The following FAR1 variants were observed in gnomAD, a reference collection of about 807,000 sequenced individuals.
The protein encoded by FAR1 is male sterility domain-containing protein 2.
In FAR1, 22 loss-of-function variants were observed where a neutral mutation model predicts 61.1. The ratio of observed to expected loss-of-function variants is 0.36; its 90% CI spans 0.26 to 0.51. FAR1 has a LOEUF of 0.51. Ranked by LOEUF, FAR1 falls within the 20% of genes least tolerant of loss-of-function variation. FAR1 has a pLI of 0.95. For synonymous variants in FAR1, 206 were observed against 209.7 expected (o/e 0.98, Z 0.15); for missense variants, 359 against 626.9 (o/e 0.57, Z 4.56).
chr11:13,682,623 T>A (rs1315364985), intron 1 of FAR1, among the ~76,000 whole-genome samples: 1 of 152,214 alleles, frequency 6.6e-6, no homozygotes, highest in Non-Finnish European at 1.5e-5. Flanking sequence ...AGTTTTTTAC[T>A]TTTGAGGCAG....
At chr11:13,687,294 A>G (rs1475731069) in intron 1 of FAR1, among the ~76,000 whole-genome samples, 1 of 152,224 alleles carries the variant, frequency 6.6e-6, no homozygotes, top group Non-Finnish European at 1.5e-5. Flanking sequence ...TACGACTGCT[A>G]GGTGCTATTT....
intron 1 of FAR1, among the ~76,000 whole-genome samples, chr11:13,692,977 G>T (rs1222022204): frequency 6.6e-6 from 1 of 152,114 alleles, no homozygotes; most frequent in African/African-American, 2.4e-5. Context: ...TAATGGAATA[G>T]GGTGGTTGGT....
chr11:13,681,427 C>T (rs763009375), intron 1 of FAR1, among the ~76,000 whole-genome samples: 6 of 152,072 alleles, frequency 3.9e-5, no homozygotes, highest in Non-Finnish European at 7.4e-5. Context: ...TTGTACAGAC[C>T]CTAACTGTTC....
rs1223320759 is a variant in FAR1 at position 13,730,531 on chromosome 11, A to G, written c.*1757A>G. The G allele has an allele frequency of 6.6e-6, 1 of 152,152 alleles. No homozygotes were observed. The highest frequency in any genetic ancestry group is 1.5e-5 in the Non-Finnish European group (1 of 67,976). The allele number at this position is 152,152 out of a possible 1,614,324, so 9.4% of individuals were successfully genotyped here. A position where few individuals can be genotyped will look rare whatever the true frequency, so the allele number is the denominator to read the frequency against. On this transcript the variant is annotated 3_prime_UTR_variant, in exon 12 of 12. Coordinates refer to ENST00000354817, the MANE Select transcript of FAR1 (RefSeq NM_032228.6). ...AATGGAATAGATAATGATGCCTTTT[A>G]TTTAAAGTGGCCCACATAATATACA...
At chr11:13,712,500 AC>A (rs1158911249) in intron 7 of FAR1, among the ~76,000 whole-genome samples, 3 of 151,984 alleles carry the variant, frequency 2.0e-5, no homozygotes, top group African/African-American at 4.8e-5. Context: ...CTTCCCAATA[AC>A]TTTTTTTTTC....
At position 13,732,061 on chromosome 11, in the gene FAR1, A is replaced by C. The variant is rs764130856; in HGVS notation, c.*3287A>C. 1.3e-5 allele frequency: 2 copies of C among 152,134 alleles called. No homozygotes were observed. Among genetic ancestry groups the C allele is most frequent in the Non-Finnish European group, 2.9e-5 (2 of 68,018 alleles). 9.4% of individuals were successfully genotyped at this position (152,134 alleles called of 1,614,324 possible). ...AAAACTTTCCAAACTTTTGCATGAG[A>C]AACTAGAAAAAGGAATGTATGCCAC... On this transcript the variant is annotated 3_prime_UTR_variant, in exon 12 of 12. Coordinates refer to ENST00000354817, the MANE Select transcript of FAR1 (RefSeq NM_032228.6).
chr11:13,690,582 A>G (rs1009736418), intron 1 of FAR1, among the ~76,000 whole-genome samples: 1 of 152,162 alleles, frequency 6.6e-6, no homozygotes, highest in Non-Finnish European at 1.5e-5. Context: ...TTTTTTCTAT[A>G]TGGATAATTG....
intron 1 of FAR1, among the ~76,000 whole-genome samples, chr11:13,675,439 G>T (rs77007032): frequency 6.7e-5 from 5 of 74,882 alleles, no homozygotes; most frequent in African/African-American, 2.3e-4. Flanking sequence ...TAATTTTGGC[G>T]CTATAGAATA....
In FAR1 at chr11:13,700,475, G is replaced by T. The variant is rs1388815443; in HGVS notation, c.348G>T (p.Arg116Ser). The change falls in exon 3 of 12, where the codon AGG becomes AGT. Residue 116 changes from arginine to serine, a missense_variant. Arg to Ser is a moderately radical substitution (Grantham distance 110). Coordinates refer to ENST00000354817, the MANE Select transcript of FAR1 (RefSeq NM_032228.6). The part of the protein sequence containing the change: ...NIIFHCAATV[R>S]FNENLRDAVQ... ...TATTCCACTGTGCAGCTACAGTAAG[G>T]TTTAATGAAAATTTAAGGTAAGTAC... 6.7e-7 allele frequency: 1 copy of T among 1,492,590 alleles called. No individual in the cohort carries two copies. The highest frequency in any genetic ancestry group is 8.9e-7 in the Non-Finnish European group (1 of 1,124,376). The allele number at this position is 1,492,590 out of a possible 1,614,324, so 92.5% of individuals were successfully genotyped here.
intron 10 of FAR1, among the ~76,000 whole-genome samples, chr11:13,724,809 C>A (rs977304795): frequency 3.3e-5 from 5 of 152,186 alleles, no homozygotes; most frequent in African/African-American, 1.2e-4. Flanking sequence ...CTGCATGTCT[C>A]AGTTTGGACT....
intron 9 of FAR1, among the ~76,000 whole-genome samples, chr11:13,717,249 C>A (rs1848567086): frequency 6.6e-6 from 1 of 152,014 alleles, no homozygotes; most frequent in African/African-American, 2.4e-5. Flanking sequence ...GCGGATGACG[C>A]TCTTTAGGAG....
At chr11:13,682,016 C>T (rs1848133089) in intron 1 of FAR1, among the ~76,000 whole-genome samples, 1 of 152,124 alleles carries the variant, frequency 6.6e-6, no homozygotes, top group African/African-American at 2.4e-5. Context: ...AATAATACAA[C>T]CCAAGCCTCA....
At chr11:13,686,796 A>T (rs1848191427) in intron 1 of FAR1, 1 of 152,252 alleles carries the variant, frequency 6.6e-6, no homozygotes, top group Admixed American at 6.5e-5. Flanking sequence ...TTAATGAAAC[A>T]ACATGATTAG....
chr11:13,700,278 A>G (rs1429952558), intron 2 of FAR1, 39 bp from the exon 3 acceptor site: 1 of 1,470,034 alleles, frequency 6.8e-7, no homozygotes, highest in Non-Finnish European at 9.2e-7. Context: ...GAAAGTGGAA[A>G]AATACTGCTG....
At position 13,712,763 on chromosome 11, in the gene FAR1, GTTA is replaced by G. The variant is rs145110294; in HGVS notation, c.888-197_888-195del. On this transcript the variant is annotated intron_variant, in intron 7 of 11. Transcript: ENST00000354817. ...AAAAAGTCTGTATTTTTTAAAATAAGTTATTATTTTTGGTAGGGGAAGAAGAAA... is the reference window on the plus strand; with the variant it reads ...AAAAAGTCTGTATTTTTTAAAATAAGTTATTTTTGGTAGGGGAAGAAGAAA... 0.043 allele frequency among the ~76,000 whole-genome samples: 6,584 copies of G among 152,036 alleles called. 188 individuals carry two copies. The highest frequency in any genetic ancestry group is 0.063 in the Non-Finnish European group (4,283 of 67,938).
chr11:13,703,514 C>T (rs1848398916), intron 3 of FAR1, among the ~76,000 whole-genome samples: 1 of 152,158 alleles, frequency 6.6e-6, no homozygotes, highest in African/African-American at 2.4e-5. Flanking sequence ...GAGAAACCAA[C>T]ATAAATTGCA....
chr11:13,724,578 AT>A (rs1284899257), intron 10 of FAR1, among the ~76,000 whole-genome samples: 14 of 147,266 alleles, frequency 9.5e-5, no homozygotes, highest in African/African-American at 3.5e-4. Flanking sequence ...AAGACTGTAG[AT>A]TTGGGTCATT....
At chr11:13,681,270 G>C (rs529203019) in intron 1 of FAR1, among the ~76,000 whole-genome samples, 1 of 152,134 alleles carries the variant, frequency 6.6e-6, no homozygotes, top group Non-Finnish European at 1.5e-5. Flanking sequence ...ACAACTCTTC[G>C]TTGTACCGTA....
intron 2 of FAR1, among the ~76,000 whole-genome samples, chr11:13,697,060 C>T (rs556987057): frequency 6.6e-6 from 1 of 152,284 alleles, no homozygotes; most frequent in African/African-American, 2.4e-5. Context: ...TTTTAGACAT[C>T]ACCAAATGTC....
Sources: gnomAD v4.1 joint callset for allele counts (sites outside exome capture counted in the v4.1 genomes callset) on GRCh38, gnomAD v4.1.1 for gene constraint, MANE v1.5 for transcripts, NCBI Gene and HGNC (gene_info 2026-07-23, HGNC 2026-07-21) for gene names.